Variants in SPOCK1 observed in about 807,000 individuals in gnomAD.
The protein encoded by SPOCK1 is SPARC (osteonectin), cwcv and kazal like domains proteoglycan 1.
SPOCK1 carries 23 observed loss-of-function variants against 55.3 expected under a neutral mutation model. That is an observed-to-expected ratio of 0.42 (90% CI 0.30 to 0.59). The LOEUF (loss-of-function observed/expected upper bound fraction) is 0.59, where lower values mean the gene tolerates loss of function less well. SPOCK1 is among the 20% of genes least tolerant of loss of function. The pLI, the probability that SPOCK1 is intolerant of heterozygous loss-of-function variation, is 0.22. For synonymous variants in SPOCK1, 226 were observed against 221.0 expected (o/e 1.02, Z -0.20); for missense variants, 499 against 552.5 (o/e 0.90, Z 0.97).
intron 2 of SPOCK1, among the ~76,000 whole-genome samples, chr5:137,372,099 C>T (rs1377943059): frequency 6.6e-6 from 1 of 152,148 alleles, no homozygotes; most frequent in African/African-American, 2.4e-5. Context: ...GCATTGAAAT[C>T]TTGGTGTTTT....
chr5:137,264,571 C>A (rs1457061887), intron 3 of SPOCK1, among the ~76,000 whole-genome samples: 1 of 152,158 alleles, frequency 6.6e-6, no homozygotes, highest in African/African-American at 2.4e-5. Context: ...TCAACAAGTT[C>A]CATTTCTACA....
intron 6 of SPOCK1, among the ~76,000 whole-genome samples, chr5:137,031,878 T>C (rs1751785918): frequency 6.6e-6 from 1 of 151,732 alleles, no homozygotes. Flanking sequence ...AGTTCTAGCT[T>C]GTGGGTGAAC....
At chr5:137,186,557 G>C (rs1434883100) in intron 3 of SPOCK1, among the ~76,000 whole-genome samples, 1 of 152,226 alleles carries the variant, frequency 6.6e-6, no homozygotes, top group African/African-American at 2.4e-5. Context: ...ATGGGAAGGG[G>C]ACAGAAGACA....
chr5:137,192,487 A>T (rs1223103415), intron 3 of SPOCK1, among the ~76,000 whole-genome samples: 1 of 152,170 alleles, frequency 6.6e-6, no homozygotes, highest in African/African-American at 2.4e-5. Flanking sequence ...AGCTTACATT[A>T]GAAGGATTTT....
At chr5:137,015,695 T>G (rs935399613) in intron 6 of SPOCK1, among the ~76,000 whole-genome samples, 1 of 152,148 alleles carries the variant, frequency 6.6e-6, no homozygotes, top group Non-Finnish European at 1.5e-5. Context: ...TAGACTGTAA[T>G]AGACTACAGA....
At chr5:137,183,607 T>C (rs1755010101) in intron 3 of SPOCK1, among the ~76,000 whole-genome samples, 1 of 152,232 alleles carries the variant, frequency 6.6e-6, no homozygotes, top group African/African-American at 2.4e-5. Context: ...GCAGCCTGTT[T>C]GGCACTGGTC....
chr5:137,299,092 G>C (rs1757540688), intron 2 of SPOCK1, among the ~76,000 whole-genome samples: 1 of 151,808 alleles, frequency 6.6e-6, no homozygotes. Flanking sequence ...AATATTTTTA[G>C]CATACCATTT....
At position 137,112,514 on chromosome 5, in the gene SPOCK1, T is replaced by C; in HGVS notation, c.395A>G (p.Asn132Ser). The change falls in exon 5 of 11, where the codon AAT becomes AGT. Residue 132 changes from asparagine (N) to serine (S), a missense_variant. Coordinates refer to ENST00000394945, the MANE Select transcript of SPOCK1 (RefSeq NM_004598.4). ...GGGACAGGGCTTGCACTTGACCAAATTCGAAGGTCCAACCCAGTGTTTCTG... is the reference window on the plus strand; with the variant it reads ...GGGACAGGGCTTGCACTTGACCAAACTCGAAGGTCCAACCCAGTGTTTCTG... Reference protein sequence around the residue: ...VAQKHWVGPSNLVKCKPCPVA... With the variant: ...VAQKHWVGPSSLVKCKPCPVA... 6.2e-7 allele frequency: 1 copy of C among 1,613,778 alleles called. No individual in the cohort carries two copies. The highest frequency in any genetic ancestry group is 8.5e-7 in the Non-Finnish European group (1 of 1,180,000).
At chr5:137,073,806 T>G (rs990536078) in intron 5 of SPOCK1, among the ~76,000 whole-genome samples, 15 of 152,238 alleles carry the variant, frequency 9.9e-5, no homozygotes, top group Admixed American at 7.2e-4. Context: ...CTAAAAATTT[T>G]GGGTGAAAGT....
chr5:137,102,622 AC>A (rs1286567278), intron 5 of SPOCK1, among the ~76,000 whole-genome samples: 1 of 152,154 alleles, frequency 6.6e-6, no homozygotes, highest in African/African-American at 2.4e-5. Flanking sequence ...ATTTTACATT[AC>A]TTTTCAGATG....
chr5:137,032,372 G>A (rs886124190), intron 6 of SPOCK1, among the ~76,000 whole-genome samples: 3 of 152,188 alleles, frequency 2.0e-5, no homozygotes, highest in Non-Finnish European at 4.4e-5. Context: ...ACAGGACAAT[G>A]AGAATGAGCC....
At chr5:137,342,137 G>T (rs1237626825) in intron 2 of SPOCK1, among the ~76,000 whole-genome samples, 1 of 152,186 alleles carries the variant, frequency 6.6e-6, no homozygotes, top group Non-Finnish European at 1.5e-5. Flanking sequence ...TCCACAGAAA[G>T]CACTTCAGAA....
At chr5:137,161,454 T>C (rs1034525081) in intron 3 of SPOCK1, among the ~76,000 whole-genome samples, 1 of 152,128 alleles carries the variant, frequency 6.6e-6, no homozygotes, top group Non-Finnish European at 1.5e-5. Flanking sequence ...CCTGCCAACA[T>C]GACCCCACAC....
intron 2 of SPOCK1, among the ~76,000 whole-genome samples, chr5:137,344,016 G>C (rs1292176998): frequency 6.6e-6 from 1 of 152,194 alleles, no homozygotes; most frequent in Non-Finnish European, 1.5e-5. Context: ...AGTGAGTATT[G>C]TCTATAACCT....
At chr5:137,301,429 G>T (rs951865676) in intron 2 of SPOCK1, among the ~76,000 whole-genome samples, 3 of 152,126 alleles carry the variant, frequency 2.0e-5, no homozygotes, top group African/African-American at 7.2e-5. Flanking sequence ...ACCATATTCT[G>T]CCAACACCAG....
At chr5:137,217,927 A>T (rs2127085850) in intron 3 of SPOCK1, among the ~76,000 whole-genome samples, 1 of 151,236 alleles carries the variant, frequency 6.6e-6, no homozygotes, top group South Asian at 2.1e-4. Context: ...GCACTATCTT[A>T]CTTACCCAAC....
chr5:137,119,914 G>C (rs1183742451), intron 4 of SPOCK1, among the ~76,000 whole-genome samples: 1 of 152,092 alleles, frequency 6.6e-6, no homozygotes, highest in Non-Finnish European at 1.5e-5. Flanking sequence ...TATTTGATCT[G>C]TCCATCTCCT....
chr5:137,035,909 C>T lies in SPOCK1; in HGVS notation c.589+31806G>A, dbSNP rs1336222098. 2.6e-5 allele frequency among the ~76,000 whole-genome samples: 4 copies of T among 152,132 alleles called. No individual in the cohort carries two copies. The East Asian group carries it at 7.7e-4, about 29-fold the overall frequency. On this transcript the variant is annotated intron_variant, in intron 6 of 10. Coordinates refer to ENST00000394945, the MANE Select transcript of SPOCK1 (RefSeq NM_004598.4). Reference sequence around the variant, plus strand: ...GTTCAGACTCCTTCTATGTGTCAGCCCAGTGCTCCATGCTGGGGATTAACC... The same window carrying T: ...GTTCAGACTCCTTCTATGTGTCAGCTCAGTGCTCCATGCTGGGGATTAACC...
chr5:137,196,536 T>C (rs570222635), intron 3 of SPOCK1, among the ~76,000 whole-genome samples: 150 of 152,326 alleles, frequency 9.8e-4, no homozygotes, highest in Non-Finnish European at 1.4e-3. Flanking sequence ...TATTTAAACA[T>C]GTGATGCCAC....
Sources: gnomAD v4.1 joint callset for allele counts (sites outside exome capture counted in the v4.1 genomes callset) on GRCh38, gnomAD v4.1.1 for gene constraint, MANE v1.5 for transcripts, NCBI Gene and HGNC (gene_info 2026-07-23, HGNC 2026-07-21) for gene names.